The following GPR137C variants were observed in gnomAD, a reference collection of about 807,000 sequenced individuals.
GPR137C encodes integral membrane protein GPR137C.
Under a neutral mutation model 43.4 loss-of-function variants are expected in GPR137C, and 27 were observed. The ratio of observed to expected loss-of-function variants is 0.62; its 90% CI spans 0.46 to 0.86. The LOEUF is 0.86. Ranked by LOEUF, GPR137C falls within the 40% of genes least tolerant of loss-of-function variation. The pLI, the probability that GPR137C is intolerant of heterozygous loss-of-function variation, is 0.00. For synonymous variants in GPR137C, 285 were observed against 226.9 expected (o/e 1.26, Z -2.30); for missense variants, 522 against 534.6 (o/e 0.98, Z 0.23).
intron 1 of GPR137C, among the ~76,000 whole-genome samples, chr14:52,595,018 G>A (rs1307415828): frequency 6.6e-6 from 1 of 152,120 alleles, no homozygotes; most frequent in Non-Finnish European, 1.5e-5. Flanking sequence ...GCCTGGTGGA[G>A]ACAAAATCTC....
chr14:52,567,782 C>G (rs2038395699), intron 1 of GPR137C, among the ~76,000 whole-genome samples: 1 of 151,858 alleles, frequency 6.6e-6, no homozygotes, highest in Non-Finnish European at 1.5e-5. Flanking sequence ...GCCCCAGCCT[C>G]CCGAGTAGCT....
chr14:52,590,018 C>T (rs946496214), intron 1 of GPR137C, among the ~76,000 whole-genome samples: 1 of 152,084 alleles, frequency 6.6e-6, no homozygotes, highest in African/African-American at 2.4e-5. Flanking sequence ...TACAGCCTCA[C>T]GTAGGTCCTT....
At chr14:52,594,742 G>A (rs546611497) in intron 1 of GPR137C, among the ~76,000 whole-genome samples, 1 of 152,246 alleles carries the variant, frequency 6.6e-6, no homozygotes, top group Non-Finnish European at 1.5e-5. Context: ...CCTGAATGCA[G>A]CACACCAATG....
chr14:52,586,289 C>G (rs1451969145), intron 1 of GPR137C, among the ~76,000 whole-genome samples: 1 of 152,218 alleles, frequency 6.6e-6, no homozygotes, highest in Non-Finnish European at 1.5e-5. Context: ...AGAGAATTCT[C>G]TTCCAACACA....
At chr14:52,580,603 A>G (rs557605127) in intron 1 of GPR137C, among the ~76,000 whole-genome samples, 1 of 151,956 alleles carries the variant, frequency 6.6e-6, no homozygotes, top group East Asian at 1.9e-4. Context: ...AGCTCAGGCG[A>G]TCCACCCACC....
At chr14:52,628,318 C>T (rs2039253949) in intron 3 of GPR137C, among the ~76,000 whole-genome samples, 2 of 152,052 alleles carry the variant, frequency 1.3e-5, no homozygotes. Context: ...TAAAATGAAC[C>T]TCCAACTCCA....
At chr14:52,605,356 C>T (rs960489146) in intron 3 of GPR137C, among the ~76,000 whole-genome samples, 1 of 152,126 alleles carries the variant, frequency 6.6e-6, no homozygotes, top group African/African-American at 2.4e-5. Flanking sequence ...AGATTGATCA[C>T]TGTTAACATA....
chr14:52,576,495 G>T (rs569091726), intron 1 of GPR137C, among the ~76,000 whole-genome samples: 3 of 152,296 alleles, frequency 2.0e-5, no homozygotes, highest in South Asian at 4.1e-4. Context: ...TAGTGGAATT[G>T]CTGAATGGAA....
At chr14:52,582,570 G>C (rs1337560116) in intron 1 of GPR137C, among the ~76,000 whole-genome samples, 5 of 152,216 alleles carry the variant, frequency 3.3e-5, no homozygotes, top group African/African-American at 4.8e-5. Flanking sequence ...AAGGCGGGCA[G>C]ATCACCTGAA....
In GPR137C at chr14:52,587,332, A is replaced by C. The variant is rs2038726254; in HGVS notation, c.445-10940A>C. 2.0e-5 allele frequency among the ~76,000 whole-genome samples: 3 copies of C among 152,248 alleles called. No homozygotes were observed. In the South Asian group the frequency reaches 6.2e-4, roughly 32 times the overall value. On this transcript the variant is annotated intron_variant, in intron 1 of 6. Transcript: ENST00000321662. Reference sequence around the variant, plus strand: ...TCCCTGAGACACTTAACCTAACAATATAAAGAATGACATTCTAGTAATGTC... The same window carrying C: ...TCCCTGAGACACTTAACCTAACAATCTAAAGAATGACATTCTAGTAATGTC...
At chr14:52,587,589 G>A (rs1174675228) in intron 1 of GPR137C, among the ~76,000 whole-genome samples, 1 of 152,132 alleles carries the variant, frequency 6.6e-6, no homozygotes, top group East Asian at 1.9e-4. Flanking sequence ...TGGCCAGCAT[G>A]GTGAAACCCT....
intron 3 of GPR137C, 93 bp downstream of exon 3, chr14:52,600,434 T>C: frequency 1.7e-6 from 1 of 603,032 alleles, no homozygotes; most frequent in Admixed American, 3.4e-5. Flanking sequence ...ATTGCTATTT[T>C]ATTTTATTTT....
intron 3 of GPR137C, among the ~76,000 whole-genome samples, chr14:52,601,164 G>A (rs1169203849): frequency 6.6e-6 from 1 of 151,974 alleles, no homozygotes; most frequent in African/African-American, 2.4e-5. Flanking sequence ...GGTGTGAGGG[G>A]GTAGATATGT....
chr14:52,599,526 T>C (rs937302706), intron 2 of GPR137C, among the ~76,000 whole-genome samples: 3 of 151,624 alleles, frequency 2.0e-5, no homozygotes, highest in African/African-American at 7.3e-5. Context: ...CTCCATCTCC[T>C]AGATTCAAGT....
At chr14:52,566,044 T>C (rs2038364643) in intron 1 of GPR137C, among the ~76,000 whole-genome samples, 2 of 152,208 alleles carry the variant, frequency 1.3e-5, no homozygotes, top group South Asian at 4.1e-4. Context: ...AGTACCTAGT[T>C]CTGTGATCTA....
At position 52,567,015 on chromosome 14, in the gene GPR137C, C is replaced by T. The variant is rs564267484; in HGVS notation, c.444+13424C>T. Reference sequence around the variant, plus strand: ...GTAATCTCAACTACTTGGGAGGCTGCGGCAGGAGACTCACTTGAACCCGGG... The same window carrying T: ...GTAATCTCAACTACTTGGGAGGCTGTGGCAGGAGACTCACTTGAACCCGGG... On this transcript the variant is annotated intron_variant, in intron 1 of 6. Transcript: ENST00000321662. Among the ~76,000 whole-genome samples the T allele has an allele frequency of 1.7e-4, 26 of 152,098 alleles. No individual in the cohort carries two copies. The South Asian group carries it at 2.5e-3, about 15-fold the overall frequency.
intron 3 of GPR137C, among the ~76,000 whole-genome samples, chr14:52,623,132 T>C (rs2039179570): frequency 6.6e-6 from 1 of 152,182 alleles, no homozygotes; most frequent in Non-Finnish European, 1.5e-5. Flanking sequence ...CTTGGATGAT[T>C]AGTTGGTGCT....
chr14:52,586,579 G>A (rs2038716594), intron 1 of GPR137C, among the ~76,000 whole-genome samples: 1 of 151,976 alleles, frequency 6.6e-6, no homozygotes, highest in Non-Finnish European at 1.5e-5. Flanking sequence ...TCTCTCCTCT[G>A]CCCATCTCCC....
chr14:52,612,471 G>A, intron 3 of GPR137C: 2 of 982,032 alleles, frequency 2.0e-6, no homozygotes, highest in Non-Finnish European at 2.4e-6. Context: ...TTTTTAGTAA[G>A]AGTTAGAGGT....
Sources: gnomAD v4.1 joint callset for allele counts (sites outside exome capture counted in the v4.1 genomes callset) on GRCh38, gnomAD v4.1.1 for gene constraint, MANE v1.5 for transcripts, NCBI Gene and HGNC (gene_info 2026-07-23, HGNC 2026-07-21) for gene names.